Variants in MYO1F observed in about 807,000 individuals in gnomAD.
MYO1F encodes unconventional myosin-If.
In MYO1F, 60 loss-of-function variants were observed where a neutral mutation model predicts 146.6. The ratio of observed to expected loss-of-function variants is 0.41; its 90% confidence interval spans 0.33 to 0.51. The LOEUF (loss-of-function observed/expected upper bound fraction) is 0.51. Among genes scored for constraint, MYO1F ranks in the 20% least tolerant of loss-of-function variants. The pLI, the probability that MYO1F is intolerant of heterozygous loss-of-function variation, is 0.25. For missense variants in MYO1F, 1,274 were observed against 1,534.3 expected (o/e 0.83, Z 2.83); for synonymous variants, 602 against 602.1 (o/e 1.00, Z 0.00).
At chr19:8,544,187 A>G in intron 14 of MYO1F, 110 bp downstream of exon 14, 1 of 1,152,232 alleles carries the variant, frequency 8.7e-7, no homozygotes, top group Non-Finnish European at 1.3e-6. Context: ...GCCCTGGATA[A>G]GGGTCCTAGC....
chr19:8,553,399 T>C lies in MYO1F; in HGVS notation c.365A>G (p.Tyr122Cys), dbSNP rs757263233. ...SGAGKTVAAKYIMGYISKVSG... is the reference protein window; with the variant it reads ...SGAGKTVAAKCIMGYISKVSG... ...CACCTTGGAGATGTAGCCCATGATA[T>C]ATTTGGCTGCCACTGTCTTCCCAGC... The change falls in exon 5 of 28, where the codon TAT becomes TGT. Residue 122 changes from tyrosine to cysteine, a missense_variant. Tyr to Cys is a radical substitution (Grantham distance 194). Coordinates refer to ENST00000644032, the MANE Select transcript of MYO1F (RefSeq NM_012335.4). The C allele has an allele frequency of 1.4e-5, 22 of 1,614,076 alleles. No individual in the cohort carries two copies. The highest frequency in any genetic ancestry group is 1.9e-5 in the Non-Finnish European group (22 of 1,180,014).
At chr19:8,575,433 A>G (rs868987450) in intron 1 of MYO1F, among the ~76,000 whole-genome samples, 1 of 151,770 alleles carries the variant, frequency 6.6e-6, no homozygotes, top group South Asian at 2.1e-4. Context: ...GCAGTTCACA[A>G]CAGGGTTTGC....
In MYO1F at chr19:8,527,419, T is replaced by C. The variant is rs1394251312; in HGVS notation, c.2393A>G (p.Lys798Arg). Residue 798 changes from lysine (K) to arginine (R), a missense_variant, in exon 22 of 28, where the codon AAG becomes AGG. By Grantham distance (26) the Lys-to-Arg change is conservative. Around this residue, in one of 2 missense-constraint regions of MYO1F, gnomAD observed 900 missense variants for 1,155.1 expected, o/e 0.78. Coordinates refer to ENST00000644032, the MANE Select transcript of MYO1F (RefSeq NM_012335.4). ...CVYVIGREKV[K>R]KGPEKGQVCE... ...CACCTGGCCCTTCTCAGGTCCCTTC[T>C]TCACTTTCTCTCGCCCAATCACATA... The C allele has an allele frequency of 9.9e-6, 16 of 1,613,990 alleles. No individual in the cohort carries two copies. The highest frequency in any genetic ancestry group is 1.4e-5 in the Non-Finnish European group (16 of 1,180,016).
chr19:8,530,396 C>T lies in MYO1F; in HGVS notation c.2159-31G>A. On this transcript the variant is annotated intron_variant, in intron 20 of 27. Transcript: ENST00000644032. The surrounding 1 kb of genome is among the most constrained non-coding windows in gnomAD (Gnocchi z 5.8). ...GGGACAGAGGGTGGAGGGCAGAGCT[C>T]CTGATACAGCTCCTCCAGGTCCTTG... The T allele has an allele frequency of 6.2e-7, 1 of 1,613,986 alleles. No homozygotes were observed. The highest frequency in any genetic ancestry group is 8.5e-7 in the Non-Finnish European group (1 of 1,180,028).
intron 4 of MYO1F, among the ~76,000 whole-genome samples, chr19:8,554,126 A>G (rs1871496344): frequency 6.6e-6 from 1 of 151,802 alleles, no homozygotes; most frequent in African/African-American, 2.4e-5. Flanking sequence ...TGTCCGGCTA[A>G]TTATTATCTA....
intron 16 of MYO1F, among the ~76,000 whole-genome samples, 196 bp downstream of exon 16, chr19:8,539,751 A>G (rs1972878619): frequency 6.6e-6 from 1 of 152,216 alleles, no homozygotes. Flanking sequence ...GAGACCTCCA[A>G]GAAGCTGGTT....
At position 8,551,791 on chromosome 19, in the gene MYO1F, G is replaced by A. The variant is rs1973622109; in HGVS notation, c.720C>T (p.Asp240=). The change falls in exon 8 of 28, where the codon GAC becomes GAT. Residue 240 remains aspartate (D), a synonymous_variant. Coordinates refer to ENST00000644032, the MANE Select transcript of MYO1F (RefSeq NM_012335.4). The stretch of plus-strand genomic sequence containing the variant: ...CGTCCGTGCCGTCCACCTGGTAGGT[G>A]TCCGATTGGTTGAGGTAGTAATAGT... The part of the protein sequence containing the change: ...PDYYYYLNQS[D]TYQVDGTDDR... 2.5e-6 allele frequency: 4 copies of A among 1,614,066 alleles called. No individual in the cohort carries two copies. In the African/African-American group the frequency reaches 5.3e-5, roughly 22 times the overall value.
chr19:8,564,089 A>G (rs1001240737), intron 1 of MYO1F, among the ~76,000 whole-genome samples: 25 of 152,114 alleles, frequency 1.6e-4, no homozygotes, highest in Non-Finnish European at 3.2e-4. Context: ...TTTTATAAGA[A>G]GTGGGTGCTG....
At chr19:8,562,163 C>CTTTTTTT (rs369094611) in intron 1 of MYO1F, among the ~76,000 whole-genome samples, 2 of 145,392 alleles carry the variant, frequency 1.4e-5, no homozygotes, top group African/African-American at 5.1e-5. Context: ...CTAATTTTTT[C>CTTTTTTT]TTTTTTTTTT....
At position 8,554,508 on chromosome 19, in the gene MYO1F, T is replaced by C; in HGVS notation, c.295A>G (p.Ile99Val). The change falls in exon 4 of 28, where the codon ATC becomes GTC. Residue 99 changes from isoleucine (I) to valine (V), a missense_variant. Ile to Val is a conservative substitution (Grantham distance 29, BLOSUM62 3). Coordinates refer to ENST00000644032, the MANE Select transcript of MYO1F (RefSeq NM_012335.4). The stretch of plus-strand genomic sequence containing the variant: ...ATGACACACTGGTTCTCACAGTCGA[T>C]AAGCATGTTCCGGTACATGTTGTCC... ...LTDNMYRNML[I>V]DCENQCVIIS... is the part of the protein sequence containing the mutation. 6.2e-7 allele frequency: 1 copy of C among 1,613,174 alleles called. No individual in the cohort carries two copies. The highest frequency in any genetic ancestry group is 8.5e-7 in the Non-Finnish European group (1 of 1,179,398).
chr19:8,544,856 GCCT>G (rs1460058590), intron 13 of MYO1F, among the ~76,000 whole-genome samples: 1 of 152,030 alleles, frequency 6.6e-6, no homozygotes, highest in African/African-American at 2.4e-5. Context: ...GCTCACTGCA[GCCT>G]CCATCTCCCA....
intron 19 of MYO1F, 41 bp downstream of exon 19, chr19:8,536,211 C>T: frequency 1.3e-6 from 2 of 1,598,056 alleles, no homozygotes; most frequent in East Asian, 4.5e-5. Context: ...CTTTCTCTCT[C>T]TTCCCCTCTC....
At chr19:8,555,510 G>A in intron 2 of MYO1F, 149 bp downstream of exon 2, 1 of 1,048,070 alleles carries the variant, frequency 9.5e-7, no homozygotes, top group South Asian at 1.4e-5. Context: ...CCCAACCAGA[G>A]CCCTGCTGTC....
chr19:8,544,069 T>TGGTGGTGGTGCTGGTGGTGCTGGTG (rs1568350464), intron 14 of MYO1F: 1 of 563,450 alleles, frequency 1.8e-6, no homozygotes, highest in Non-Finnish European at 3.2e-6. Flanking sequence ...GTGGTGGTGG[T>TGGTGGTGGTGCTGGTGGTGCTGGTG]GTCCAGACAA....
rs1424806826 is a variant in MYO1F at position 8,544,338 on chromosome 19, T to C, written c.1483A>G (p.Ser495Gly). The C allele has an allele frequency of 4.3e-6, 7 of 1,612,984 alleles. No homozygotes were observed. The highest frequency in any genetic ancestry group is 5.9e-6 in the Non-Finnish European group (7 of 1,179,846). ...TGGATGACGAAGCCGGCGCTCCAGCTGTTGAAATGCTCGTGGGTCCCCACA... is the reference window on the plus strand; with the variant it reads ...TGGATGACGAAGCCGGCGCTCCAGCCGTTGAAATGCTCGTGGGTCCCCACA... ...AAVGTHEHFN[S>G]WSAGFVIHHY... Residue 495 changes from serine (S) to glycine (G), a missense_variant, in exon 14 of 28, where the codon AGC becomes GGC. By Grantham distance (56) the Ser-to-Gly change is moderately conservative. Around this residue, in one of 2 missense-constraint regions of MYO1F, gnomAD observed 900 missense variants for 1,155.1 expected, o/e 0.78. Transcript: ENST00000644032.
chr19:8,555,372 G>A (rs1973800649), intron 2 of MYO1F: 10 of 275,158 alleles, frequency 3.6e-5, no homozygotes, highest in African/African-American at 1.7e-4. Flanking sequence ...GCAAGACTCC[G>A]TCTCAAAAAA....
chr19:8,522,698 G>C lies in MYO1F; in HGVS notation c.2986C>G (p.Arg996Gly), dbSNP rs775501333. 63 of 1,613,860 alleles carry C rather than the reference G, an allele frequency of 3.9e-5. No homozygotes were observed. In the East Asian group the frequency reaches 8.5e-4, roughly 22 times the overall value. The change falls in exon 26 of 28, where the codon CGG becomes GGG. Residue 996 changes from arginine (R) to glycine (G), a missense_variant. Around this residue, in one of 2 missense-constraint regions of MYO1F, gnomAD observed 374 missense variants for 379.2 expected, o/e 0.99. Transcript: ENST00000644032. ...STSLGASRRP[R>G]ARPPSEHNTE... is the part of the protein sequence containing the mutation. Reference sequence around the variant, plus strand: ...TTGTGCTCTGAGGGCGGACGTGCCCGGGGTCGTCTGCTGGCTCCCAGGGAT... The same window carrying C: ...TTGTGCTCTGAGGGCGGACGTGCCCCGGGTCGTCTGCTGGCTCCCAGGGAT...
chr19:8,550,834 C>T (rs529668873), intron 8 of MYO1F, 140 bp from the exon 9 acceptor site: 17 of 1,099,524 alleles, frequency 1.5e-5, no homozygotes, highest in Admixed American at 6.2e-5. Flanking sequence ...AGTCACTTGC[C>T]GCGTGACCTT....
At position 8,550,595 on chromosome 19, in the gene MYO1F, C is replaced by A. The variant is rs781194551; in HGVS notation, c.871G>T (p.Asp291Tyr). ...CTCTCCACTCGGGCGTAATTCCCGT[C>A]TTCACAGAAACTGATGTTCCCCAGG... ...LHLGNISFCE[D>Y]GNYARVESVD... is the part of the protein sequence containing the mutation. The change falls in exon 9 of 28, where the codon GAC (aspartate) becomes TAC (tyrosine). Residue 291 changes from aspartate (D) to tyrosine (Y), a missense_variant. Coordinates refer to ENST00000644032, the MANE Select transcript of MYO1F (RefSeq NM_012335.4). The A allele has an allele frequency of 4.3e-6, 7 of 1,614,052 alleles. No homozygotes were observed. Among genetic ancestry groups the A allele is most frequent in the Non-Finnish European group, 1.7e-6 (2 of 1,180,046 alleles).
Sources: gnomAD v4.1 joint callset for allele counts (sites outside exome capture counted in the v4.1 genomes callset) on GRCh38, gnomAD v4.1.1 for gene constraint, gnomAD v4.1.1 regional missense constraint, Gnocchi (gnomAD v3.1) non-coding constraint, MANE v1.5 for transcripts, NCBI Gene and HGNC (gene_info 2026-07-23, HGNC 2026-07-21) for gene names.